The following LOXL2 variants were observed in gnomAD, a reference collection of about 807,000 sequenced individuals.
The protein encoded by LOXL2 is lysyl oxidase like 2.
Under a neutral mutation model 93.0 loss-of-function variants are expected in LOXL2, and 70 were observed. The ratio of observed to expected loss-of-function variants is 0.75; its 90% CI spans 0.62 to 0.92. LOXL2 has a LOEUF of 0.92. Ranked by LOEUF, LOXL2 falls within the 40% of genes least tolerant of loss-of-function variation. The pLI, the probability that LOXL2 is intolerant of heterozygous loss-of-function variation, is 0.00. For synonymous variants in LOXL2, 438 were observed against 413.2 expected, an observed-to-expected ratio of 1.06 and a Z score of -0.73; for missense variants, 973 against 1,054.9, an observed-to-expected ratio of 0.92 and a Z score of 1.08.
rs1019391924 is a variant in LOXL2, at chr8:23,317,243, G to T, written c.1471-129C>A. 5.1e-5 allele frequency: 50 copies of T among 971,078 alleles called. No homozygotes were observed. In the East Asian group the frequency reaches 8.7e-4, roughly 17 times the overall value. 60.2% of individuals were successfully genotyped at this position (971,078 alleles called of 1,614,324 possible). ...CCCATTTTTCAGATCGAAACAGCAC[G>T]GAGGGTCACCTATCCAAGCTGTGCA... On this transcript the variant is annotated intron_variant, in intron 8 of 13. Transcript: ENST00000389131.
At chr8:23,395,876 G>A (rs1194776337) in intron 1 of LOXL2, among the ~76,000 whole-genome samples, 1 of 151,946 alleles carries the variant, frequency 6.6e-6, no homozygotes, top group African/African-American at 2.4e-5. Context: ...GTTTTACCCT[G>A]TTGCCCAGGC....
At chr8:23,340,580 G>A (rs756574937) in intron 4 of LOXL2, among the ~76,000 whole-genome samples, 8 of 152,210 alleles carry the variant, frequency 5.3e-5, no homozygotes, top group Admixed American at 1.3e-4. Flanking sequence ...TTTGCCAAGA[G>A]CAAGTAAATA....
At chr8:23,303,753 C>A (rs1455309477) in intron 10 of LOXL2, among the ~76,000 whole-genome samples, 3 of 152,226 alleles carry the variant, frequency 2.0e-5, no homozygotes, top group African/African-American at 7.2e-5. Flanking sequence ...AAGCGTGCAA[C>A]TGGCTCTCAC....
chr8:23,368,807 G>A (rs1804454682), intron 1 of LOXL2, among the ~76,000 whole-genome samples: 1 of 152,194 alleles, frequency 6.6e-6, no homozygotes, highest in Admixed American at 6.5e-5. Flanking sequence ...TAGGCTTGAA[G>A]GGAGCCTGCG....
rs1159678187 is a variant in LOXL2 at position 23,342,435 on chromosome 8, T to TTC, written c.532-1233_532-1232insGA. ...CAAAGAGCCTCTTTTTTCTTTTTCT[T>TTC]TTTTTTTTTTTTTTGAGACGGAGTC... On this transcript the variant is annotated intron_variant, in intron 3 of 13. Transcript: ENST00000389131. Among the ~76,000 whole-genome samples the TTC allele has an allele frequency of 2.7e-5, 4 of 147,158 alleles. No homozygotes were observed. The East Asian group carries it at 5.9e-4, about 22-fold the overall frequency.
intron 1 of LOXL2, among the ~76,000 whole-genome samples, chr8:23,380,870 G>A (rs113299875): frequency 0.011 from 1,733 of 152,150 alleles, 35 homozygotes; most frequent in African/African-American, 0.039. Flanking sequence ...AAAATTATCT[G>A]GGCATGGTGG....
At chr8:23,344,150 A>C (rs1342455602) in intron 3 of LOXL2, among the ~76,000 whole-genome samples, 1 of 152,188 alleles carries the variant, frequency 6.6e-6, no homozygotes, top group Non-Finnish European at 1.5e-5. Context: ...GCCAGCACAC[A>C]CCAACCCAAA....
chr8:23,323,210 C>T (rs1465971031), intron 6 of LOXL2, among the ~76,000 whole-genome samples: 3 of 152,192 alleles, frequency 2.0e-5, no homozygotes, highest in South Asian at 4.1e-4. Flanking sequence ...GAAGGACTAG[C>T]ATGGAAAGGC....
intron 4 of LOXL2, among the ~76,000 whole-genome samples, chr8:23,334,050 C>CT (rs60339149): frequency 2.5e-3 from 380 of 150,638 alleles, no homozygotes; most frequent in Admixed American, 3.9e-3. Flanking sequence ...TGTTGTCATT[C>CT]TTTTTTTTTT....
intron 1 of LOXL2, among the ~76,000 whole-genome samples, chr8:23,401,414 T>A (rs1158895742): frequency 1.3e-5 from 2 of 152,154 alleles, no homozygotes; most frequent in African/African-American, 4.8e-5. Context: ...TTTTCTTAGG[T>A]CTAAATATGG....
At chr8:23,397,603 C>T (rs1323271627) in intron 1 of LOXL2, among the ~76,000 whole-genome samples, 1 of 151,904 alleles carries the variant, frequency 6.6e-6, no homozygotes, top group Non-Finnish European at 1.5e-5. Flanking sequence ...ACGGTGAAAC[C>T]CTGTATCTAC....
Position 23,333,632 on chromosome 8 carries a change from G to A in LOXL2, c.744-9C>T, listed in dbSNP as rs776925889. ...TCCGTGAGGCAAACATTCTGCAGAC[G>A]ATGGGAGGGGACAGGGGACCAGGGC... On this transcript the variant is annotated splice_polypyrimidine_tract_variant and intron_variant, in intron 4 of 13. Transcript: ENST00000389131. The A allele has an allele frequency of 1.9e-5, 31 of 1,607,794 alleles. No individual in the cohort carries two copies. The highest frequency in any genetic ancestry group is 8.0e-5 in the African/African-American group (6 of 74,858).
intron 12 of LOXL2, among the ~76,000 whole-genome samples, chr8:23,300,245 T>C (rs1245048292): frequency 6.6e-6 from 1 of 152,152 alleles, no homozygotes; most frequent in African/African-American, 2.4e-5. Context: ...GGGCTGGAAA[T>C]GTGTGTCCCC....
chr8:23,401,023 C>T (rs1800146236), intron 1 of LOXL2, among the ~76,000 whole-genome samples: 1 of 152,194 alleles, frequency 6.6e-6, no homozygotes, highest in South Asian at 2.1e-4. Flanking sequence ...AAGAACTCTT[C>T]AGAGAGCAGC....
chr8:23,397,574 C>G (rs1331679377), intron 1 of LOXL2, among the ~76,000 whole-genome samples: 1 of 151,742 alleles, frequency 6.6e-6, no homozygotes, highest in African/African-American at 2.4e-5. Flanking sequence ...GTCAGGAGAT[C>G]GAGACCATCC....
At chr8:23,390,881 A>G (rs535924255) in intron 1 of LOXL2, among the ~76,000 whole-genome samples, 3 of 152,290 alleles carry the variant, frequency 2.0e-5, no homozygotes, top group African/African-American at 7.2e-5. Flanking sequence ...AAAGAAAAAG[A>G]GGTGTAATGG....
At chr8:23,358,883 C>T (rs1804242284) in intron 3 of LOXL2, among the ~76,000 whole-genome samples, 2 of 150,852 alleles carry the variant, frequency 1.3e-5, no homozygotes, top group African/African-American at 4.9e-5. Flanking sequence ...GCTCTGTCAC[C>T]CAGGCTGGAG....
At position 23,368,180 on chromosome 8, in the gene LOXL2, G is replaced by A. The variant is rs1373546172; in HGVS notation, c.172C>T (p.Leu58=). 2 of 1,614,150 alleles carry A rather than the reference G, an allele frequency of 1.2e-6. No individual in the cohort carries two copies. The highest frequency in any genetic ancestry group is 2.2e-5 in the East Asian group (1 of 44,882). The change falls in exon 2 of 14, where the codon CTG becomes TTG. Residue 58 remains leucine (L), a synonymous_variant. Transcript: ENST00000389131. ...QAPANVAKIQ[L]RLAGQKRKHS... is the part of the protein sequence containing the mutation. The stretch of plus-strand genomic sequence containing the variant: ...TTCCTCTTCTGCCCAGCCAGGCGCA[G>A]CTGAATCTTGGCCACGTTGGCGGGG...
chr8:23,315,000 C>G (rs866953397), intron 9 of LOXL2, among the ~76,000 whole-genome samples: 10 of 152,104 alleles, frequency 6.6e-5, no homozygotes, highest in Non-Finnish European at 1.5e-4. Flanking sequence ...CCCGTGCGAG[C>G]CCCTGGTCAC....
Sources: allele counts gnomAD v4.1 joint callset (sites outside exome capture counted in the v4.1 genomes callset), GRCh38; gene constraint gnomAD v4.1.1; transcripts MANE v1.5; gene names NCBI Gene and HGNC (gene_info 2026-07-23, HGNC 2026-07-21).